Variants in TBCD observed in about 807,000 individuals in gnomAD.
TBCD encodes the protein tubulin folding cofactor D, also known as tubulin-specific chaperone D.
Under a neutral mutation model 169.3 loss-of-function variants are expected in TBCD, and 105 were observed. The observed-to-expected ratio is 0.62, with a 90% confidence interval of 0.53 to 0.73. The LOEUF is 0.73. Among genes scored for constraint, TBCD ranks in the 30% least tolerant of loss-of-function variants. The pLI is 0.00. For synonymous variants in TBCD, 700 were observed against 643.9 expected (o/e 1.09, Z -1.32); for missense variants, 1,444 against 1,600.1 (o/e 0.90, Z 1.66).
At chr17:82,801,617 T>C (rs2050541243) in intron 9 of TBCD, among the ~76,000 whole-genome samples, 1 of 129,814 alleles carries the variant, frequency 7.7e-6, no homozygotes, top group Non-Finnish European at 1.6e-5. Flanking sequence ...GTGTGCGTCG[T>C]GTGGCTCAGA....
chr17:82,932,664 C>A lies in TBCD; in HGVS notation c.3120C>A (p.Ser1040=). 1 of 1,613,230 alleles carries A rather than the reference C, an allele frequency of 6.2e-7. No homozygotes were observed. Among genetic ancestry groups the A allele is most frequent in the Non-Finnish European group, 8.5e-7 (1 of 1,179,728 alleles). ...CAGCTCCTTCTCCCCTCAGGGTGTC[C>A]GTGCCGCTGCTGAAGACGCTGGACC... ...FEDNLLNERV[S]VPLLKTLDHV... The change falls in exon 34 of 39, where the codon TCC becomes TCA. Residue 1040 remains serine, a synonymous_variant. Coordinates refer to ENST00000355528, the MANE Select transcript of TBCD (RefSeq NM_005993.5).
At chr17:82,919,005 A>G (rs1599550351) in intron 23 of TBCD, among the ~76,000 whole-genome samples, 1 of 152,334 alleles carries the variant, frequency 6.6e-6, no homozygotes. Flanking sequence ...TACGCATAAA[A>G]ACTACCATCA....
At chr17:82,862,007 C>T (rs2056807951) in intron 13 of TBCD, among the ~76,000 whole-genome samples, 1 of 151,966 alleles carries the variant, frequency 6.6e-6, no homozygotes, top group African/African-American at 2.4e-5. Flanking sequence ...ACTGCAACCT[C>T]CGCCTCCCAG....
At chr17:82,869,521 A>G (rs2057411270) in intron 13 of TBCD, among the ~76,000 whole-genome samples, 1 of 152,178 alleles carries the variant, frequency 6.6e-6, no homozygotes, top group Non-Finnish European at 1.5e-5. Flanking sequence ...CCCTGTCTCA[A>G]AAAAATAAGA....
chr17:82,811,160 G>T (rs1285395041), intron 12 of TBCD, among the ~76,000 whole-genome samples: 2 of 152,300 alleles, frequency 1.3e-5, no homozygotes, highest in East Asian at 1.9e-4. Flanking sequence ...GGTGGTCATG[G>T]TGGGCATATG....
chr17:82,901,227 C>T (rs1426089389), intron 18 of TBCD, among the ~76,000 whole-genome samples: 1 of 152,222 alleles, frequency 6.6e-6, no homozygotes, highest in Non-Finnish European at 1.5e-5. Flanking sequence ...AAGTGAAGTG[C>T]GGTCTGGAGC....
intron 30 of TBCD, 21 bp from the exon 31 acceptor site, chr17:82,929,092 C>T: frequency 6.2e-7 from 1 of 1,600,630 alleles, no homozygotes; most frequent in South Asian, 1.1e-5. Context: ...CCTTGGTTTA[C>T]CTCCTGCTCT....
At chr17:82,865,107 G>A (rs1256525007) in intron 13 of TBCD, among the ~76,000 whole-genome samples, 1 of 152,210 alleles carries the variant, frequency 6.6e-6, no homozygotes, top group Non-Finnish European at 1.5e-5. Flanking sequence ...CCAGATGTCA[G>A]TGGAACCAGG....
rs2053852386 is a variant in TBCD at position 82,835,065 on chromosome 17, C to A, written c.1318+20131C>A. Among the ~76,000 whole-genome samples, 1 of 150,940 alleles carries A rather than the reference C, an allele frequency of 6.6e-6. No homozygotes were observed. The highest frequency in any genetic ancestry group is 2.1e-4 in the South Asian group (1 of 4,798). On this transcript the variant is annotated intron_variant, in intron 13 of 38. Coordinates refer to ENST00000355528, the MANE Select transcript of TBCD (RefSeq NM_005993.5). This position sits in a 1 kb window ranked among gnomAD's most constrained non-coding sequence, Gnocchi z 4.5. ...TGGGCAACAGAATGAGACCCTGCCTCAAAAAAAAGCTAAATGGAAATGACT... is the reference window on the plus strand; with the variant it reads ...TGGGCAACAGAATGAGACCCTGCCTAAAAAAAAAGCTAAATGGAAATGACT...
rs768689044 is a variant in TBCD at position 82,927,936 on chromosome 17, G to A, written c.2641G>A (p.Asp881Asn). Residue 881 changes from aspartate (D) to asparagine (N), a missense_variant, in exon 30 of 39, where the codon GAT becomes AAT. By Grantham distance (23) the Asp-to-Asn change is conservative. Transcript: ENST00000355528. Reference protein sequence around the residue: ...VRKAAMTSLMDLTLLLARSQP... With the variant: ...VRKAAMTSLMNLTLLLARSQP... ...CAAGGCCGCCATGACCAGTCTGATG[G>A]ATCTGACACTTCTGCTGGCTCGGAG... 8.7e-6 allele frequency: 14 copies of A among 1,613,454 alleles called. No individual in the cohort carries two copies. Among genetic ancestry groups the A allele is most frequent in the Admixed American group, 5.0e-5 (3 of 60,024 alleles).
At chr17:82,892,767 G>A (rs1567973274) in intron 16 of TBCD, among the ~76,000 whole-genome samples, 1 of 152,144 alleles carries the variant, frequency 6.6e-6, no homozygotes, top group Non-Finnish European at 1.5e-5. Flanking sequence ...TTCTATGTGG[G>A]GTTTAAAGTT....
intron 13 of TBCD, chr17:82,830,078 A>C (rs2053338065): frequency 1.2e-6 from 2 of 1,607,708 alleles, no homozygotes; most frequent in African/African-American, 2.7e-5. Context: ...GAGGTGTTGT[A>C]GCTTGCCACC....
chr17:82,895,393 T>C (rs1015018791), intron 17 of TBCD, among the ~76,000 whole-genome samples: 3 of 152,190 alleles, frequency 2.0e-5, no homozygotes, highest in African/African-American at 7.2e-5. Context: ...GCAGAGGGCA[T>C]GGGACTGAGC....
At chr17:82,802,478 AGG>A (rs765860129) in intron 9 of TBCD, among the ~76,000 whole-genome samples, 1 of 152,196 alleles carries the variant, frequency 6.6e-6, no homozygotes, top group Non-Finnish European at 1.5e-5. Context: ...TGTACCAGGC[AGG>A]GTTCTCCAGA....
In TBCD at chr17:82,915,375, G is replaced by T. The variant is rs1273557034; in HGVS notation, c.2038+3586G>T. On this transcript the variant is annotated intron_variant, in intron 23 of 38. Coordinates refer to ENST00000355528, the MANE Select transcript of TBCD (RefSeq NM_005993.5). The surrounding 1 kb of genome is among the most constrained non-coding windows in gnomAD (Gnocchi z 4.3). ...CCCATATCAAAGAAATGTCATACAG[G>T]TTGGCCTTTGTCGTGAATATTCACG... 6.6e-6 allele frequency among the ~76,000 whole-genome samples: 1 copy of T among 152,164 alleles called. No individual in the cohort carries two copies. Among genetic ancestry groups the T allele is most frequent in the Non-Finnish European group, 1.5e-5 (1 of 68,036 alleles).
chr17:82,830,540 C>T (rs1567850550), intron 13 of TBCD: 9 of 1,614,102 alleles, frequency 5.6e-6, no homozygotes, highest in Non-Finnish European at 5.9e-6. Flanking sequence ...CTGGGCCCAT[C>T]CTCAGAACCT....
At chr17:82,813,453 G>C (rs945257534) in intron 12 of TBCD, among the ~76,000 whole-genome samples, 3 of 152,154 alleles carry the variant, frequency 2.0e-5, no homozygotes, top group Non-Finnish European at 4.4e-5. Flanking sequence ...TCCATGGACA[G>C]GGTCCCCTGT....
Position 82,806,014 on chromosome 17 carries a change from G to A in TBCD, c.1087+3G>A. The A allele has an allele frequency of 6.2e-7, 1 of 1,613,266 alleles. No individual in the cohort carries two copies. The highest frequency in any genetic ancestry group is 1.3e-5 in the African/African-American group (1 of 75,036). ...AGAGGGGGTGGAGCGTGTGATAGGTGCGTGGGGTCTAAGCGGCGGCCTCTG... is the reference window on the plus strand; with the variant it reads ...AGAGGGGGTGGAGCGTGTGATAGGTACGTGGGGTCTAAGCGGCGGCCTCTG... On this transcript the variant is annotated splice_donor_region_variant and intron_variant, in intron 10 of 38. Transcript: ENST00000355528. This position sits in a 1 kb window ranked among gnomAD's most constrained non-coding sequence, Gnocchi z 5.1.
Position 82,890,645 on chromosome 17 carries a change from C to T in TBCD, c.1563+948C>T, listed in dbSNP as rs2059065046. ...AGCCTGGCGTGAGTGGTGTGGGCGG[C>T]TTTCTGTAGACGGAGCCCAGGAAGG... On this transcript the variant is annotated intron_variant, in intron 16 of 38. Coordinates refer to ENST00000355528, the MANE Select transcript of TBCD (RefSeq NM_005993.5). The surrounding 1 kb of genome is among the most constrained non-coding windows in gnomAD (Gnocchi z 5.3). Among the ~76,000 whole-genome samples the T allele has an allele frequency of 6.6e-6, 1 of 152,146 alleles. No individual in the cohort carries two copies. Among genetic ancestry groups the T allele is most frequent in the South Asian group, 2.1e-4 (1 of 4,836 alleles).
Sources: allele counts gnomAD v4.1 joint callset (sites outside exome capture counted in the v4.1 genomes callset), GRCh38; gene constraint gnomAD v4.1.1; non-coding constraint Gnocchi (gnomAD v3.1); transcripts MANE v1.5; gene names NCBI Gene and HGNC (gene_info 2026-07-23, HGNC 2026-07-21).